GPC5: variants seen among roughly 807,000 people sequenced by gnomAD.
GPC5 encodes the protein glypican-5.
In GPC5, 47 loss-of-function variants were observed where a neutral mutation model predicts 53.9. The ratio of observed to expected loss-of-function variants is 0.87; its 90% CI spans 0.69 to 1.11. The LOEUF (loss-of-function observed/expected upper bound fraction) is 1.11, where lower values mean the gene tolerates loss of function less well. Among genes scored for constraint, GPC5 ranks in the 50% most tolerant of loss-of-function variants. The pLI is 0.00. For missense variants in GPC5, 748 were observed against 713.1 expected (o/e 1.05, Z -0.56); for synonymous variants, 286 against 263.3 (o/e 1.09, Z -0.84).
At chr13:91,563,894 A>G (rs2031405857) in intron 2 of GPC5, among the ~76,000 whole-genome samples, 1 of 151,694 alleles carries the variant, frequency 6.6e-6, no homozygotes, top group Non-Finnish European at 1.5e-5. Flanking sequence ...ACCGGGGAGG[A>G]GGGTCTTACT....
chr13:92,546,888 C>G (rs7490840), intron 7 of GPC5, among the ~76,000 whole-genome samples: 64,931 of 151,654 alleles, frequency 0.43, 14,562 homozygotes, highest in African/African-American at 0.56. Flanking sequence ...TCTGATCTTT[C>G]ACAAACCTGA....
intron 7 of GPC5, among the ~76,000 whole-genome samples, chr13:92,231,871 C>T (rs1051457847): frequency 1.3e-5 from 2 of 152,090 alleles, no homozygotes; most frequent in African/African-American, 4.8e-5. Context: ...GAGGCTGAGG[C>T]AGGAGAATCG....
intron 7 of GPC5, among the ~76,000 whole-genome samples, chr13:92,517,462 C>T (rs547794238): frequency 3.6e-4 from 55 of 152,290 alleles, no homozygotes; most frequent in Non-Finnish European, 6.0e-4. Flanking sequence ...ACACCTCACA[C>T]GGCTGGGTAC....
At chr13:92,444,441 A>T in intron 7 of GPC5, among the ~76,000 whole-genome samples, 1 of 152,282 alleles carries the variant, frequency 6.6e-6, no homozygotes, top group Non-Finnish European at 1.5e-5. Context: ...CAGGGTCTCA[A>T]TTAGATCAGC....
intron 2 of GPC5, among the ~76,000 whole-genome samples, chr13:91,634,255 T>G (rs1476838850): frequency 2.0e-5 from 3 of 152,074 alleles, no homozygotes; most frequent in Non-Finnish European, 2.9e-5. Flanking sequence ...TAAAATATGT[T>G]GGGTATTAAG....
intron 2 of GPC5, among the ~76,000 whole-genome samples, chr13:91,456,365 CA>C (rs1881553448): frequency 6.7e-6 from 1 of 149,888 alleles, no homozygotes; most frequent in South Asian, 2.1e-4. Flanking sequence ...TTTCTTTTTG[CA>C]AAATGTTAAC....
At chr13:92,380,984 C>A (rs1383421270) in intron 7 of GPC5, among the ~76,000 whole-genome samples, 1 of 152,104 alleles carries the variant, frequency 6.6e-6, no homozygotes, top group Non-Finnish European at 1.5e-5. Flanking sequence ...TATCCCCTTT[C>A]CATGACCACA....
At chr13:92,474,782 T>C (rs919257763) in intron 7 of GPC5, among the ~76,000 whole-genome samples, 1 of 152,100 alleles carries the variant, frequency 6.6e-6, no homozygotes, top group African/African-American at 2.4e-5. Context: ...GATTCTCTAT[T>C]GGAATTGTAG....
chr13:92,203,138 TTTCA>T (rs1453166983), intron 7 of GPC5, among the ~76,000 whole-genome samples: 1 of 152,134 alleles, frequency 6.6e-6, no homozygotes, highest in Non-Finnish European at 1.5e-5. Context: ...TTTGCACACT[TTTCA>T]TTTACTTTAA....
intron 7 of GPC5, among the ~76,000 whole-genome samples, chr13:92,663,306 A>C (rs1371589342): frequency 6.6e-6 from 1 of 152,000 alleles, no homozygotes; most frequent in Non-Finnish European, 1.5e-5. Context: ...ACATAATGCA[A>C]TTTATTATTA....
intron 6 of GPC5, among the ~76,000 whole-genome samples, chr13:92,121,633 G>A (rs2062549138): frequency 6.6e-6 from 1 of 152,038 alleles, no homozygotes; most frequent in South Asian, 2.1e-4. Flanking sequence ...GTGATTTTTG[G>A]AAAAACTGCC....
intron 5 of GPC5, among the ~76,000 whole-genome samples, chr13:91,906,038 C>CT (rs1482493515): frequency 6.6e-6 from 1 of 151,974 alleles, no homozygotes; most frequent in Non-Finnish European, 1.5e-5. Flanking sequence ...CCTCACCCCC[C>CT]CTGCCAACGT....
At position 92,211,521 on chromosome 13, in the gene GPC5, A is replaced by G. The variant is rs549185886; in HGVS notation, c.1561+66532A>G. On this transcript the variant is annotated intron_variant, in intron 7 of 7. Coordinates refer to ENST00000377067, the MANE Select transcript of GPC5 (RefSeq NM_004466.6). The stretch of plus-strand genomic sequence containing the variant: ...TCATTCAAGAACCTGGCCTTAGCCA[A>G]GCAGTTTGTAACCTTTCTCTGAAGC... Among the ~76,000 whole-genome samples the G allele has an allele frequency of 6.4e-4, 98 of 152,346 alleles. No homozygotes were observed. The Middle Eastern group carries it at 0.01, about 16-fold the overall frequency.
chr13:91,686,253 A>G (rs1049344424), intron 2 of GPC5, among the ~76,000 whole-genome samples: 1 of 152,036 alleles, frequency 6.6e-6, no homozygotes, highest in African/African-American at 2.4e-5. Context: ...TTAGAAATAA[A>G]TGTGAAGCAC....
intron 7 of GPC5, among the ~76,000 whole-genome samples, chr13:92,583,883 C>T (rs555173364): frequency 3.7e-4 from 57 of 152,138 alleles, no homozygotes; most frequent in African/African-American, 1.3e-3. Context: ...ATCTGATGGT[C>T]ATTATAAGGG....
intron 7 of GPC5, among the ~76,000 whole-genome samples, chr13:92,777,362 C>T (rs1000886392): frequency 7.3e-6 from 1 of 137,862 alleles, no homozygotes; most frequent in African/African-American, 2.7e-5. Context: ...AAGCCAGGCT[C>T]AGTGGCTCAT....
At chr13:91,705,528 T>C (rs1407569090) in intron 3 of GPC5, among the ~76,000 whole-genome samples, 2 of 152,176 alleles carry the variant, frequency 1.3e-5, no homozygotes, top group Non-Finnish European at 2.9e-5. Context: ...GATAGTCTGA[T>C]TTAGAGATGA....
chr13:92,845,508 C>T (rs2138838341), intron 7 of GPC5, among the ~76,000 whole-genome samples: 1 of 152,274 alleles, frequency 6.6e-6, no homozygotes, highest in South Asian at 2.1e-4. Flanking sequence ...AAGAGTCAGC[C>T]TTTTTGTTCT....
intron 5 of GPC5, among the ~76,000 whole-genome samples, chr13:91,874,303 T>C (rs942396101): frequency 6.6e-6 from 1 of 152,202 alleles, no homozygotes; most frequent in Admixed American, 6.5e-5. Context: ...ATGCATGGCC[T>C]TGATTTTACA....
Sources: gnomAD v4.1 joint callset for allele counts (sites outside exome capture counted in the v4.1 genomes callset) on GRCh38, gnomAD v4.1.1 for gene constraint, MANE v1.5 for transcripts, NCBI Gene and HGNC (gene_info 2026-07-23, HGNC 2026-07-21) for gene names.